Variants in INSR observed in about 807,000 individuals in gnomAD.
INSR encodes insulin receptor.
INSR carries 67 observed loss-of-function variants against 142.6 expected under a neutral mutation model. That is an observed-to-expected ratio of 0.47 (90% confidence interval 0.39 to 0.58). INSR has a LOEUF of 0.58. INSR is among the 20% of genes least tolerant of loss of function. The pLI is 0.00. For missense variants in INSR, 1,248 were observed against 1,833.2 expected (o/e 0.68, Z 5.83); for synonymous variants, 756 against 743.1 (o/e 1.02, Z -0.28).
chr19:7,205,513 G>A (rs547039185), intron 2 of INSR, among the ~76,000 whole-genome samples: 16 of 152,112 alleles, frequency 1.1e-4, no homozygotes, highest in Admixed American at 2.6e-4. Flanking sequence ...TGTCAGTCCC[G>A]CAGTAGCCAG....
At chr19:7,286,569 C>T (rs34799768) in intron 1 of INSR, among the ~76,000 whole-genome samples, 1 of 150,668 alleles carries the variant, frequency 6.6e-6, no homozygotes, top group East Asian at 2.0e-4. Context: ...TAAACTTTTT[C>T]TAGAGATAAT....
chr19:7,234,823 G>A (rs1976107012), intron 2 of INSR, among the ~76,000 whole-genome samples: 5 of 152,050 alleles, frequency 3.3e-5, no homozygotes, highest in Admixed American at 3.3e-4. Context: ...ACTTTGGGAG[G>A]CCGAGGCGGG....
intron 11 of INSR, among the ~76,000 whole-genome samples, chr19:7,144,464 C>T (rs1334554571): frequency 2.0e-5 from 3 of 152,126 alleles, no homozygotes; most frequent in Admixed American, 2.0e-4. Context: ...AGTGCGACGG[C>T]GTGATCTTGG....
intron 2 of INSR, among the ~76,000 whole-genome samples, chr19:7,202,474 TG>T (rs1198942459): frequency 6.6e-6 from 1 of 152,082 alleles, no homozygotes; most frequent in Non-Finnish European, 1.5e-5. Context: ...ACTTAGGGGT[TG>T]GTTGTTTTTT....
rs867589282 is a variant in INSR, at chr19:7,152,409, A to G, written c.2231+317T>C. The G allele has an allele frequency of 2.6e-3, 1,008 of 382,230 alleles. 4 individuals are homozygous for G. Among genetic ancestry groups the G allele is most frequent in the Middle Eastern group, 3.5e-3 (4 of 1,152 alleles). The allele number at this position is 382,230 out of a possible 1,614,324, so 23.7% of individuals were successfully genotyped here. ...AAAAAAAAAAAGAGAGAGAGAGAAA[A>G]AAAAAAATGTTAATCGTCTAACGGA... On this transcript the variant is annotated intron_variant, in intron 10 of 21. Transcript: ENST00000302850.
At chr19:7,213,827 A>C (rs1416835146) in intron 2 of INSR, among the ~76,000 whole-genome samples, 1 of 152,102 alleles carries the variant, frequency 6.6e-6, no homozygotes, top group African/African-American at 2.4e-5. Context: ...ATCTCTAGTA[A>C]AGATACAAAA....
chr19:7,129,978 A>G (rs1480733284), intron 14 of INSR, among the ~76,000 whole-genome samples: 1 of 152,118 alleles, frequency 6.6e-6, no homozygotes, highest in Non-Finnish European at 1.5e-5. Context: ...TCCTCAAGCA[A>G]TCCTGTTGCC....
At chr19:7,128,298 C>T (rs542558566) in intron 15 of INSR, among the ~76,000 whole-genome samples, 67 of 151,740 alleles carry the variant, frequency 4.4e-4, no homozygotes, top group Non-Finnish European at 7.1e-4. Flanking sequence ...CTGCAACCTC[C>T]GCCACCAGGG....
intron 2 of INSR, among the ~76,000 whole-genome samples, chr19:7,246,321 T>C (rs58462449): frequency 0.28 from 42,097 of 152,036 alleles, 7,389 homozygotes; most frequent in African/African-American, 0.5. Context: ...TTGCCACTCT[T>C]GGAACGCTGA....
At chr19:7,287,758 G>A (rs989208836) in intron 1 of INSR, among the ~76,000 whole-genome samples, 3 of 152,128 alleles carry the variant, frequency 2.0e-5, no homozygotes, top group African/African-American at 7.2e-5. Flanking sequence ...CTTCATTCGA[G>A]TTGTACCAGG....
intron 2 of INSR, among the ~76,000 whole-genome samples, chr19:7,232,766 C>T (rs377184892): frequency 1.3e-5 from 2 of 151,504 alleles, no homozygotes; most frequent in Admixed American, 6.6e-5. Context: ...GCCGAGATCC[C>T]GCCACTGCAC....
At chr19:7,254,929 G>A (rs745314199) in intron 2 of INSR, among the ~76,000 whole-genome samples, 15 of 152,140 alleles carry the variant, frequency 9.9e-5, no homozygotes, top group Admixed American at 6.6e-5. Flanking sequence ...TTTCCATTAC[G>A]ATGGATTTTA....
In INSR at chr19:7,192,857, C is replaced by T. The variant is rs909643026; in HGVS notation, c.653-8220G>A. ...ACTATCATCTTCCTGAAACTTTCAGCTGCGGTGGCTTTTTCACTATACACT... is the reference window on the plus strand; with the variant it reads ...ACTATCATCTTCCTGAAACTTTCAGTTGCGGTGGCTTTTTCACTATACACT... On this transcript the variant is annotated intron_variant, in intron 2 of 21. Transcript: ENST00000302850. The surrounding 1 kb of genome is among the most constrained non-coding windows in gnomAD (Gnocchi z 4.2). Among the ~76,000 whole-genome samples the T allele has an allele frequency of 2.5e-4, 38 of 152,214 alleles. No homozygotes were observed. The highest frequency in any genetic ancestry group is 1.3e-4 in the Admixed American group (2 of 15,264).
chr19:7,223,950 A>AT (rs10533917), intron 2 of INSR, among the ~76,000 whole-genome samples: 97 of 148,124 alleles, frequency 6.5e-4, no homozygotes, highest in African/African-American at 1.5e-3. Flanking sequence ...ACAAAAAAAA[A>AT]TTTTTTTTTT....
At chr19:7,259,335 T>TGG (rs1491431230) in intron 2 of INSR, among the ~76,000 whole-genome samples, 3 of 151,446 alleles carry the variant, frequency 2.0e-5, no homozygotes, top group South Asian at 2.1e-4. Context: ...CCCATGTGTG[T>TGG]GGGGTGCGCG....
chr19:7,264,770 C>T (rs1967669110), intron 2 of INSR, among the ~76,000 whole-genome samples: 1 of 152,146 alleles, frequency 6.6e-6, no homozygotes, highest in African/African-American at 2.4e-5. Flanking sequence ...TGCCCCTGAC[C>T]TACAATATTC....
chr19:7,224,623 C>T (rs1038734354), intron 2 of INSR, among the ~76,000 whole-genome samples: 2 of 152,102 alleles, frequency 1.3e-5, no homozygotes, highest in African/African-American at 2.4e-5. Flanking sequence ...CTGTCTCTGC[C>T]GGAGGGCGAT....
chr19:7,293,892 G>T lies in INSR; in HGVS notation c.-1C>A. The T allele has an allele frequency of 8.2e-7, 1 of 1,217,374 alleles. No homozygotes were observed. Among genetic ancestry groups the T allele is most frequent in the South Asian group, 3.7e-5 (1 of 27,346 alleles). 75.4% of individuals were successfully genotyped at this position (1,217,374 alleles called of 1,614,324 possible). The stretch of plus-strand genomic sequence containing the variant: ...CCCCCCGCCGGCCCCCGGTGGCCAT[G>T]GCTGCGGGAGCGCGGGGTCTCCTCG... On this transcript the variant is annotated 5_prime_UTR_variant, in exon 1 of 22. Transcript: ENST00000302850.
Position 7,150,391 on chromosome 19 carries a change from C to T in INSR, c.2267+106G>A. On this transcript the variant is annotated intron_variant, in intron 11 of 21. Coordinates refer to ENST00000302850, the MANE Select transcript of INSR (RefSeq NM_000208.4). This position sits in a 1 kb window ranked among gnomAD's most constrained non-coding sequence, Gnocchi z 4.2. ...TCTGCTCTCCAGCACAGCTGCCCGC[C>T]GCATGCAAAAAGCCACAGAAACCCC... 1.0e-6 allele frequency: 1 copy of T among 963,902 alleles called. No homozygotes were observed. Among genetic ancestry groups the T allele is most frequent in the Non-Finnish European group, 1.6e-6 (1 of 607,166 alleles). 59.7% of individuals were successfully genotyped at this position (963,902 alleles called of 1,614,324 possible).
Sources: allele counts gnomAD v4.1 joint callset (sites outside exome capture counted in the v4.1 genomes callset), GRCh38; gene constraint gnomAD v4.1.1; non-coding constraint Gnocchi (gnomAD v3.1); transcripts MANE v1.5; gene names NCBI Gene and HGNC (gene_info 2026-07-23, HGNC 2026-07-21).